GDPD5: variants seen among roughly 807,000 people sequenced by gnomAD.
GDPD5 encodes the protein glycerophosphodiester phosphodiesterase domain containing 5, also known as glycerophosphodiester phosphodiesterase 2.
GDPD5 carries 48 observed loss-of-function variants against 75.1 expected under a neutral mutation model. The ratio of observed to expected loss-of-function variants is 0.64; its 90% CI spans 0.51 to 0.81. The LOEUF (loss-of-function observed/expected upper bound fraction) is 0.81. Among genes scored for constraint, GDPD5 ranks in the 40% least tolerant of loss-of-function variants. The pLI, the probability that GDPD5 is intolerant of heterozygous loss-of-function variation, is 0.00. For synonymous variants in GDPD5, 336 were observed against 339.0 expected, an observed-to-expected ratio of 0.99 and a Z score of 0.10; for missense variants, 706 against 822.6, an observed-to-expected ratio of 0.86 and a Z score of 1.73.
chr11:75,462,735 T>A, intron 4 of GDPD5, 51 bp downstream of exon 4: 1 of 1,394,550 alleles, frequency 7.2e-7, no homozygotes, highest in Non-Finnish European at 1.0e-6. Context: ...TCCCAGCTAC[T>A]GGATACCCAG....
rs963254421 is a variant in GDPD5 at position 75,450,074 on chromosome 11, A to G, written c.376-91T>C. ...AGAGGAGCCAGAGGGAGAGACAGAG[A>G]GGGCAGGAGAGGCCGATGGAGCAGG... On this transcript the variant is annotated intron_variant, in intron 6 of 16. Transcript: ENST00000336898. 4 of 1,008,628 alleles carry G rather than the reference A, an allele frequency of 4.0e-6. No homozygotes were observed. The Admixed American group carries it at 7.8e-5, about 20-fold the overall frequency. 62.5% of individuals were successfully genotyped at this position (1,008,628 alleles called of 1,614,324 possible). A position where few individuals can be genotyped will look rare whatever the true frequency, so the allele number is the denominator to read the frequency against.
chr11:75,480,649 C>A (rs1949892234), intron 2 of GDPD5, among the ~76,000 whole-genome samples: 1 of 152,286 alleles, frequency 6.6e-6, no homozygotes, highest in East Asian at 1.9e-4. Flanking sequence ...AGAGGTTGAC[C>A]CACTTACCAA....
At chr11:75,445,623 G>A (rs528067309) in intron 9 of GDPD5, among the ~76,000 whole-genome samples, 5 of 152,320 alleles carry the variant, frequency 3.3e-5, no homozygotes, top group Non-Finnish European at 7.4e-5. Context: ...AAGAGGTGAG[G>A]TGGGAAGGAT....
chr11:75,473,613 G>A (rs749613142), intron 3 of GDPD5, among the ~76,000 whole-genome samples: 1 of 152,066 alleles, frequency 6.6e-6, no homozygotes, highest in African/African-American at 2.4e-5. Context: ...CACACAGCCC[G>A]AGCCTGGCTC....
intron 6 of GDPD5, chr11:75,455,364 G>A: frequency 4.4e-6 from 2 of 456,572 alleles, no homozygotes; most frequent in Non-Finnish European, 8.8e-6. Flanking sequence ...CCTGTGAGTA[G>A]AGTGAGGGCA....
chr11:75,462,403 G>A (rs995048476), intron 4 of GDPD5, among the ~76,000 whole-genome samples: 1 of 152,168 alleles, frequency 6.6e-6, no homozygotes, highest in Non-Finnish European at 1.5e-5. Flanking sequence ...AAGTTCCCCA[G>A]GTTTCAATCC....
At chr11:75,523,318 G>A (rs907877749) in intron 1 of GDPD5, among the ~76,000 whole-genome samples, 5 of 152,150 alleles carry the variant, frequency 3.3e-5, no homozygotes, top group African/African-American at 4.8e-5. Context: ...ACTGTGGCTC[G>A]AGGCTGCCGC....
At chr11:75,479,992 T>C (rs975577706) in intron 2 of GDPD5, among the ~76,000 whole-genome samples, 1 of 152,230 alleles carries the variant, frequency 6.6e-6, no homozygotes, top group Non-Finnish European at 1.5e-5. Context: ...TGGGTTGTTA[T>C]ACATAATGCT....
chr11:75,448,335 C>A (rs1949041422), intron 9 of GDPD5, among the ~76,000 whole-genome samples: 1 of 152,198 alleles, frequency 6.6e-6, no homozygotes. Flanking sequence ...CTAACTCCTG[C>A]TCCTCATAGC....
intron 1 of GDPD5, among the ~76,000 whole-genome samples, chr11:75,500,488 C>A (rs1010082799): frequency 6.6e-6 from 1 of 152,172 alleles, no homozygotes; most frequent in African/African-American, 2.4e-5. Flanking sequence ...ACCTCACCAG[C>A]CCCTTCGCTG....
rs1215882718 is a variant in GDPD5, at chr11:75,441,255, G to T, written c.1381C>A (p.Leu461Ile). The T allele has an allele frequency of 6.2e-7, 1 of 1,614,168 alleles. No homozygotes were observed. The highest frequency in any genetic ancestry group is 2.2e-5 in the East Asian group (1 of 44,882). Reference protein sequence around the residue: ...VNLYTVNAPWLFSLLWCAGVP... With the variant: ...VNLYTVNAPWIFSLLWCAGVP... ...CCCGCACACCACAGCAGGGAGAAGA[G>T]CCACGGTGCGTTGACTGTGTAGAGG... The change falls in exon 14 of 17, where the codon CTC becomes ATC. Residue 461 changes from leucine (L) to isoleucine (I), a missense_variant. Coordinates refer to ENST00000336898, the MANE Select transcript of GDPD5 (RefSeq NM_030792.8).
Position 75,441,149 on chromosome 11 carries a change from G to T in GDPD5, c.1473+14C>A, listed in dbSNP as rs762617152. 2 of 1,612,610 alleles carry T rather than the reference G, an allele frequency of 1.2e-6. No individual in the cohort carries two copies. The highest frequency in any genetic ancestry group is 2.2e-5 in the South Asian group (2 of 91,048). On this transcript the variant is annotated intron_variant, in intron 14 of 16. Coordinates refer to ENST00000336898, the MANE Select transcript of GDPD5 (RefSeq NM_030792.8). Reference sequence around the variant, plus strand: ...CAGCACTGCCCCCCAGGGGCCCTCTGCCCCCCAACTCACCATGATCCAGAG... The same window carrying T: ...CAGCACTGCCCCCCAGGGGCCCTCTTCCCCCCAACTCACCATGATCCAGAG...
intron 4 of GDPD5, among the ~76,000 whole-genome samples, chr11:75,459,217 T>C (rs902261902): frequency 2.0e-5 from 3 of 152,258 alleles, no homozygotes; most frequent in East Asian, 1.9e-4. Context: ...TAGTTTCTAA[T>C]TCTTCACAAT....
chr11:75,441,094 C>A, intron 14 of GDPD5, 69 bp downstream of exon 14: 1 of 1,503,218 alleles, frequency 6.7e-7, no homozygotes, highest in South Asian at 1.1e-5. Context: ...CAGAGCTTGC[C>A]GAGTGGTCAG....
chr11:75,442,878 A>G (rs1948863292), intron 11 of GDPD5: 1 of 603,976 alleles, frequency 1.7e-6, no homozygotes, highest in East Asian at 2.8e-5. Context: ...AGAGTTTTAC[A>G]GAGTTAAGAA....
intron 2 of GDPD5, among the ~76,000 whole-genome samples, chr11:75,486,890 G>A (rs568177246): frequency 6.6e-6 from 1 of 152,344 alleles, no homozygotes; most frequent in East Asian, 1.9e-4. Flanking sequence ...TAGGTAAGGA[G>A]ACAGCACAGC....
chr11:75,489,217 A>C (rs1032971734), intron 2 of GDPD5, among the ~76,000 whole-genome samples: 3 of 152,178 alleles, frequency 2.0e-5, no homozygotes, highest in Non-Finnish European at 1.5e-5. Context: ...TTCTCTCACA[A>C]ATTTTTCTTA....
intron 1 of GDPD5, among the ~76,000 whole-genome samples, chr11:75,515,730 C>G (rs1001819346): frequency 1.3e-5 from 2 of 152,198 alleles, no homozygotes; most frequent in Non-Finnish European, 2.9e-5. Flanking sequence ...CACCTGAACT[C>G]GCCTGACACT....
chr11:75,487,344 G>A (rs1470904074), intron 2 of GDPD5, among the ~76,000 whole-genome samples: 1 of 152,230 alleles, frequency 6.6e-6, no homozygotes, highest in Non-Finnish European at 1.5e-5. Flanking sequence ...CCAGACCTAG[G>A]GGCAGGAAGG....
Sources: gnomAD v4.1 joint callset for allele counts (sites outside exome capture counted in the v4.1 genomes callset) on GRCh38, gnomAD v4.1.1 for gene constraint, MANE v1.5 for transcripts, NCBI Gene and HGNC (gene_info 2026-07-23, HGNC 2026-07-21) for gene names.